NCOR1: variants seen among roughly 807,000 people sequenced by gnomAD.
NCOR1 encodes protein phosphatase 1, regulatory subunit 109.
Under a neutral mutation model 288.1 loss-of-function variants are expected in NCOR1, and 63 were observed. That is an observed-to-expected ratio of 0.22 (90% CI 0.18 to 0.27). The LOEUF (loss-of-function observed/expected upper bound fraction) is 0.27, where lower values mean the gene tolerates loss of function less well. NCOR1 is among the 10% of genes least tolerant of loss of function. The pLI, the probability that NCOR1 is intolerant of heterozygous loss-of-function variation, is 1.00. For synonymous variants in NCOR1, 1,007 were observed against 1,065.9 expected, an observed-to-expected ratio of 0.94 and a Z score of 1.08; for missense variants, 2,397 against 3,019.2, an observed-to-expected ratio of 0.79 and a Z score of 4.83.
At chr17:16,052,378 T>C (rs142912910) in intron 40 of NCOR1, among the ~76,000 whole-genome samples, 2 of 152,066 alleles carry the variant, frequency 1.3e-5, no homozygotes, top group Non-Finnish European at 2.9e-5. Flanking sequence ...CTAAGACTAA[T>C]AGAGAAGATT....
chr17:16,097,354 G>T (rs1460591359), intron 21 of NCOR1, among the ~76,000 whole-genome samples: 1 of 152,240 alleles, frequency 6.6e-6, no homozygotes, highest in Non-Finnish European at 1.5e-5. Flanking sequence ...ATACAGGGCT[G>T]GGAGTACTGT....
chr17:16,189,180 G>A (rs1008661944), intron 2 of NCOR1, among the ~76,000 whole-genome samples: 18 of 152,046 alleles, frequency 1.2e-4, no homozygotes, highest in Non-Finnish European at 2.5e-4. Flanking sequence ...GGTTGCTTGA[G>A]GCCAGGAGCT....
intron 1 of NCOR1, among the ~76,000 whole-genome samples, chr17:16,195,939 G>A (rs1335273096): frequency 3.3e-5 from 5 of 151,632 alleles, no homozygotes; most frequent in Non-Finnish European, 5.9e-5. Flanking sequence ...TATTACATAT[G>A]TATAAAAATG....
Position 16,031,627 on chromosome 17 carries a change from T to C in NCOR1, c.*669A>G, listed in dbSNP as rs1174204519. 4.4e-6 allele frequency: 1 copy of C among 225,606 alleles called. No homozygotes were observed. Among genetic ancestry groups the C allele is most frequent in the Admixed American group, 5.7e-5 (1 of 17,528 alleles). 14.0% of individuals were successfully genotyped at this position (225,606 alleles called of 1,614,324 possible). A position where few individuals can be genotyped will look rare whatever the true frequency, so the allele number is the denominator to read the frequency against. Reference sequence around the variant, plus strand: ...GAAAAAAAAAAATTAAAGCCTGCACTGGAAATTTACAATATGGCAGAATTT... The same window carrying C: ...GAAAAAAAAAAATTAAAGCCTGCACCGGAAATTTACAATATGGCAGAATTT... On this transcript the variant is annotated 3_prime_UTR_variant, in exon 46 of 46. Coordinates refer to ENST00000268712, the MANE Select transcript of NCOR1 (RefSeq NM_006311.4).
At position 16,065,664 on chromosome 17, in the gene NCOR1, A is replaced by G. The variant is rs1401841439; in HGVS notation, c.4772T>C (p.Leu1591Pro). 1.2e-6 allele frequency: 2 copies of G among 1,614,232 alleles called. No homozygotes were observed. Among genetic ancestry groups the G allele is most frequent in the South Asian group, 2.2e-5 (2 of 91,086 alleles). The change falls in exon 33 of 46, where the codon CTT (leucine) becomes CCT (proline). Residue 1591 changes from leucine to proline, a missense_variant. By Grantham distance (98) the Leu-to-Pro change is moderately conservative. Transcript: ENST00000268712. ...ACTTGGGTAACCTGGAGTTGGTGAA[A>G]GCTGTCTCTGAAACAGGTAAGCAGC... is the stretch of plus-strand genomic sequence containing the variant. ...AAAAYLFQRQLSPTPGYPSQY... is the reference protein window; with the variant it reads ...AAAAYLFQRQPSPTPGYPSQY...
chr17:16,131,716 C>T (rs1396806130), intron 14 of NCOR1, among the ~76,000 whole-genome samples: 1 of 152,128 alleles, frequency 6.6e-6, no homozygotes, highest in African/African-American at 2.4e-5. Context: ...ACAATTAGTG[C>T]TCCTAAGCCA....
At position 16,064,262 on chromosome 17, in the gene NCOR1, A is replaced by G. The variant is rs188802881; in HGVS notation, c.5102-75T>C. On this transcript the variant is annotated intron_variant, in intron 34 of 45. Coordinates refer to ENST00000268712, the MANE Select transcript of NCOR1 (RefSeq NM_006311.4). ...GTATATCAAACAATTCCGAAATTCTAAGTGACTGAAAATTTTTCAAAAAGC... is the reference window on the plus strand; with the variant it reads ...GTATATCAAACAATTCCGAAATTCTGAGTGACTGAAAATTTTTCAAAAAGC... 3.8e-4 allele frequency: 570 copies of G among 1,519,540 alleles called. 7 individuals carry two copies. The East Asian group carries it at 0.012, about 32-fold the overall frequency. 94.1% of individuals were successfully genotyped at this position (1,519,540 alleles called of 1,614,324 possible).
chr17:16,185,008 CAAAAAAAAAAA>C (rs34725978), intron 3 of NCOR1, among the ~76,000 whole-genome samples: 8 of 97,352 alleles, frequency 8.2e-5, no homozygotes, highest in African/African-American at 2.9e-4. Context: ...GAATCTTAAA[CAAAAAAAAAAA>C]AAAAAAAAAG....
intron 26 of NCOR1, among the ~76,000 whole-genome samples, chr17:16,077,523 GAGGA>G (rs1298198526): frequency 3.5e-5 from 1 of 28,694 alleles, no homozygotes; most frequent in Non-Finnish European, 7.2e-5. Context: ...GGGAGGGGGG[GAGGA>G]GGGGGAGGAG....
At chr17:16,140,086 G>A (rs765174391) in intron 11 of NCOR1, among the ~76,000 whole-genome samples, 1 of 152,130 alleles carries the variant, frequency 6.6e-6, no homozygotes, top group Non-Finnish European at 1.5e-5. Flanking sequence ...ATCAGTCAAA[G>A]AGCAAATAAA....
At position 16,064,854 on chromosome 17, in the gene NCOR1, A is replaced by C; in HGVS notation, c.5101+16T>G. ...TGATGGTTCTATTAGAGAGGTGTGT[A>C]ACTGTACAATCTCACCTGGAGACAT... On this transcript the variant is annotated intron_variant, in intron 34 of 45. Transcript: ENST00000268712. The C allele has an allele frequency of 6.3e-7, 1 of 1,588,106 alleles. No individual in the cohort carries two copies. The highest frequency in any genetic ancestry group is 1.1e-5 in the South Asian group (1 of 87,632).
rs2152607293 is a variant in NCOR1 at position 16,061,704 on chromosome 17, C to G, written c.5578G>C (p.Val1860Leu). 1 of 1,614,256 alleles carries G rather than the reference C, an allele frequency of 6.2e-7. No homozygotes were observed. ...EENLRSRSAA[V>L]SEQQQLEQKT... ...TGCTCTAGCTGCTGCTGTTCACTAA[C>G]TGCTGCTGACCTGCTTCTCAAATTT... Residue 1860 changes from valine to leucine, a missense_variant, in exon 37 of 46, where the codon GTT becomes CTT. This residue lies in a region of NCOR1 where 1,872 missense variants were observed against 2,187.8 expected (regional missense o/e 0.86). Transcript: ENST00000268712.
chr17:16,145,773 G>C (rs1187529337), intron 10 of NCOR1, among the ~76,000 whole-genome samples: 2 of 151,982 alleles, frequency 1.3e-5, no homozygotes, highest in African/African-American at 4.8e-5. Flanking sequence ...CCTCCACCTG[G>C]CCGCTGCCCC....
intron 9 of NCOR1, 67 bp downstream of exon 9, chr17:16,149,384 G>A: frequency 3.4e-6 from 3 of 874,200 alleles, no homozygotes; most frequent in Non-Finnish European, 5.2e-6. Flanking sequence ...CAGTAGGAAA[G>A]TGAATGCCTA....
chr17:16,119,560 A>G (rs545143513), intron 16 of NCOR1, 75 bp from the exon 17 acceptor site: 30 of 985,862 alleles, frequency 3.0e-5, no homozygotes, highest in African/African-American at 9.9e-5. Flanking sequence ...TCATATAATT[A>G]TATCTCTTTA....
chr17:16,103,627 T>C (rs1006020016), intron 19 of NCOR1, among the ~76,000 whole-genome samples: 2 of 152,270 alleles, frequency 1.3e-5, no homozygotes, highest in Non-Finnish European at 2.9e-5. Flanking sequence ...ATGCATCTTC[T>C]ACCACAGAGA....
chr17:16,137,564 G>C, intron 13 of NCOR1, 152 bp from the exon 14 acceptor site: 1 of 487,214 alleles, frequency 2.1e-6, no homozygotes. Context: ...GGCATATCTA[G>C]GCTCTAAAAT....
Position 16,114,187 on chromosome 17 carries a change from C to T in NCOR1, c.2055+3701G>A, listed in dbSNP as rs555077480. Among the ~76,000 whole-genome samples, 15 of 143,454 alleles carry T rather than the reference C, an allele frequency of 1.0e-4. No individual in the cohort carries two copies. The South Asian group carries it at 2.7e-3, about 26-fold the overall frequency. The allele number at this position is 143,454 out of a possible 152,430, so 94.1% of individuals were successfully genotyped here. A position where few individuals can be genotyped will look rare whatever the true frequency, so the allele number is the denominator to read the frequency against. Reference sequence around the variant, plus strand: ...AAAAAAAACTTGTGCAGGGGAACTCCTCTTTCTAAAACCAGTAGATCTCCT... The same window carrying T: ...AAAAAAAACTTGTGCAGGGGAACTCTTCTTTCTAAAACCAGTAGATCTCCT... On this transcript the variant is annotated intron_variant, in intron 18 of 45. Coordinates refer to ENST00000268712, the MANE Select transcript of NCOR1 (RefSeq NM_006311.4).
chr17:16,083,115 C>G (rs1034689145), intron 23 of NCOR1, among the ~76,000 whole-genome samples: 7 of 152,020 alleles, frequency 4.6e-5, no homozygotes, highest in African/African-American at 1.7e-4. Flanking sequence ...CACCTGTAGT[C>G]CCAGCTACTT....
Sources: gnomAD v4.1 joint callset for allele counts (sites outside exome capture counted in the v4.1 genomes callset) on GRCh38, gnomAD v4.1.1 for gene constraint, gnomAD v4.1.1 regional missense constraint, MANE v1.5 for transcripts, NCBI Gene and HGNC (gene_info 2026-07-23, HGNC 2026-07-21) for gene names.